The following STXBP5 variants were observed in gnomAD, a reference collection of about 807,000 sequenced individuals.
STXBP5 encodes syntaxin binding protein 5.
Under a neutral mutation model 152.4 loss-of-function variants are expected in STXBP5, and 50 were observed. The observed-to-expected ratio is 0.33, with a 90% confidence interval of 0.26 to 0.42. The LOEUF (loss-of-function observed/expected upper bound fraction) is 0.42, where lower values mean the gene tolerates loss of function less well. STXBP5 is among the 10% of genes least tolerant of loss of function. STXBP5 has a pLI of 1.00. For missense variants in STXBP5, 1,167 were observed against 1,388.6 expected (o/e 0.84, Z 2.54); for synonymous variants, 492 against 494.7 (o/e 0.99, Z 0.07).
At chr6:147,319,828 C>CT (rs55948948) in intron 16 of STXBP5, among the ~76,000 whole-genome samples, 1,416 of 71,616 alleles carry the variant, frequency 0.02, 46 homozygotes, top group Admixed American at 0.048. Context: ...TATCTGGATT[C>CT]TTTTTTTTTT....
intron 2 of STXBP5, among the ~76,000 whole-genome samples, chr6:147,226,242 G>A (rs1777703425): frequency 6.6e-6 from 1 of 151,380 alleles, no homozygotes. Flanking sequence ...GGTTGAGGCT[G>A]CAGTGAGCCA....
intron 4 of STXBP5, among the ~76,000 whole-genome samples, chr6:147,243,857 A>T (rs191900562): frequency 6.6e-6 from 1 of 152,066 alleles, no homozygotes; most frequent in African/African-American, 2.4e-5. Flanking sequence ...TGAAAAGATT[A>T]TCTGTTTCCC....
intron 2 of STXBP5, among the ~76,000 whole-genome samples, chr6:147,206,303 T>G (rs1776554939): frequency 1.3e-5 from 2 of 152,172 alleles, no homozygotes; most frequent in African/African-American, 4.8e-5. Context: ...AGGTCTAAAG[T>G]TTTTTTATGA....
At chr6:147,290,418 G>A (rs1781220641) in intron 8 of STXBP5, among the ~76,000 whole-genome samples, 4 of 152,182 alleles carry the variant, frequency 2.6e-5, no homozygotes, top group Admixed American at 1.3e-4. Context: ...TTTGCCAGAA[G>A]AAGTATTATA....
chr6:147,246,518 T>C (rs1302124690), intron 4 of STXBP5, among the ~76,000 whole-genome samples: 1 of 152,202 alleles, frequency 6.6e-6, no homozygotes, highest in African/African-American at 2.4e-5. Context: ...AATGAAATTT[T>C]ATAGAATATT....
chr6:147,234,036 T>G (rs1582819668), intron 2 of STXBP5, among the ~76,000 whole-genome samples: 1 of 151,562 alleles, frequency 6.6e-6, no homozygotes, highest in African/African-American at 2.4e-5. Context: ...TCTAGAAAAT[T>G]TCTAGAAAGC....
intron 7 of STXBP5, among the ~76,000 whole-genome samples, chr6:147,272,791 T>C (rs1562453934): frequency 6.6e-6 from 1 of 152,196 alleles, no homozygotes; most frequent in Non-Finnish European, 1.5e-5. Flanking sequence ...TTTAATCTCT[T>C]GAGGGTGATT....
intron 8 of STXBP5, among the ~76,000 whole-genome samples, chr6:147,278,767 C>A (rs117920436): frequency 0.031 from 4,727 of 152,270 alleles, 117 homozygotes; most frequent in Non-Finnish European, 0.05. Flanking sequence ...GGAAAAAACA[C>A]ATGAAGTTTA....
intron 25 of STXBP5, among the ~76,000 whole-genome samples, chr6:147,370,134 A>G (rs1785473920): frequency 6.6e-6 from 1 of 152,078 alleles, no homozygotes; most frequent in African/African-American, 2.4e-5. Context: ...TGCTTAATGA[A>G]AGGAGCCAAG....
At chr6:147,220,018 A>G (rs1777381715) in intron 2 of STXBP5, among the ~76,000 whole-genome samples, 1 of 151,882 alleles carries the variant, frequency 6.6e-6, no homozygotes, top group Non-Finnish European at 1.5e-5. Flanking sequence ...ATTCAATGCT[A>G]TAAATTCCCT....
At chr6:147,249,674 A>G (rs907495663) in intron 4 of STXBP5, among the ~76,000 whole-genome samples, 1 of 152,078 alleles carries the variant, frequency 6.6e-6, no homozygotes, top group African/African-American at 2.4e-5. Flanking sequence ...AGGACTTGAC[A>G]ATTTGGGGAA....
At chr6:147,374,918 C>T (rs1160232246) in intron 26 of STXBP5, among the ~76,000 whole-genome samples, 4 of 152,146 alleles carry the variant, frequency 2.6e-5, no homozygotes, top group Non-Finnish European at 4.4e-5. Flanking sequence ...CACACACACT[C>T]ACAACTTTCA....
intron 2 of STXBP5, among the ~76,000 whole-genome samples, chr6:147,233,912 C>G (rs1185667811): frequency 6.7e-6 from 1 of 150,274 alleles, no homozygotes; most frequent in African/African-American, 2.4e-5. Context: ...AACAATAATT[C>G]TAGGTGTTTA....
chr6:147,272,619 A>G (rs1348469892), intron 7 of STXBP5, among the ~76,000 whole-genome samples: 1 of 152,168 alleles, frequency 6.6e-6, no homozygotes, highest in Non-Finnish European at 1.5e-5. Context: ...TTTTGACAAA[A>G]TACTACCTTT....
chr6:147,367,027 C>T (rs568082300), intron 25 of STXBP5, among the ~76,000 whole-genome samples: 1 of 152,242 alleles, frequency 6.6e-6, no homozygotes, highest in South Asian at 2.1e-4. Context: ...CCAGAACTGA[C>T]ATACATACCA....
intron 21 of STXBP5, among the ~76,000 whole-genome samples, chr6:147,341,349 T>C (rs576124960): frequency 6.6e-6 from 1 of 152,308 alleles, no homozygotes; most frequent in South Asian, 2.1e-4. Context: ...TGGTATTTTG[T>C]GCATGAAGCT....
At chr6:147,325,198 A>C in intron 17 of STXBP5, 114 bp downstream of exon 17, 1 of 1,077,124 alleles carries the variant, frequency 9.3e-7, no homozygotes, top group Non-Finnish European at 1.2e-6. Context: ...ATGGCATTCT[A>C]CAATTTTGAT....
intron 9 of STXBP5, among the ~76,000 whole-genome samples, chr6:147,303,633 A>G (rs1781940268): frequency 6.6e-6 from 1 of 152,198 alleles, no homozygotes; most frequent in African/African-American, 2.4e-5. Flanking sequence ...GGTTCGGAAG[A>G]AGACAGAAAG....
intron 18 of STXBP5, among the ~76,000 whole-genome samples, chr6:147,327,895 T>C: frequency 6.6e-6 from 1 of 152,204 alleles, no homozygotes; most frequent in East Asian, 1.9e-4. Context: ...CATTGTTTGG[T>C]TTTTGTAAGA....
Sources: allele counts gnomAD v4.1 joint callset (sites outside exome capture counted in the v4.1 genomes callset), GRCh38; gene constraint gnomAD v4.1.1; transcripts MANE v1.5; gene names NCBI Gene and HGNC (gene_info 2026-07-23, HGNC 2026-07-21).